SPIRE1: variants seen among roughly 807,000 people sequenced by gnomAD.
SPIRE1 encodes the protein spire type actin nucleation factor 1.
SPIRE1 carries 40 observed loss-of-function variants against 94.1 expected under a neutral mutation model. The observed-to-expected ratio is 0.43, with a 90% CI of 0.33 to 0.55. The LOEUF (loss-of-function observed/expected upper bound fraction) is 0.55. Among genes scored for constraint, SPIRE1 ranks in the 20% least tolerant of loss-of-function variants. The probability of loss-of-function intolerance (pLI) is 0.06; values close to 1 mark genes in which losing one functional copy is unlikely to be tolerated. For missense variants in SPIRE1, 838 were observed against 975.2 expected (o/e 0.86, Z 1.87); for synonymous variants, 376 against 371.7 (o/e 1.01, Z -0.13).
chr18:12,542,777 T>G (rs2035046869), intron 3 of SPIRE1, among the ~76,000 whole-genome samples: 1 of 152,198 alleles, frequency 6.6e-6, no homozygotes, highest in African/African-American at 2.4e-5. Flanking sequence ...CTAAATCATG[T>G]AAGACATTAT....
Position 12,506,577 on chromosome 18 carries a change from T to C in SPIRE1, c.872A>G (p.Glu291Gly). 1 of 1,614,114 alleles carries C rather than the reference T, an allele frequency of 6.2e-7. No homozygotes were observed. The highest frequency in any genetic ancestry group is 8.5e-7 in the Non-Finnish European group (1 of 1,179,988). Residue 291 changes from glutamate (E) to glycine (G), a missense_variant, in exon 6 of 17, where the codon GAG (glutamate) becomes GGG (glycine). Transcript: ENST00000409402. ...AATGGGCAAAGGGTTGTACTGCCGC[T>C]CTTGGACCTTCTTAAGTTTTACCCC... ...RNGVKLKKVQ[E>G]RQYNPLPIEY... is the part of the protein sequence containing the mutation.
chr18:12,488,152 C>T (rs1229471052), intron 8 of SPIRE1, among the ~76,000 whole-genome samples: 1 of 152,242 alleles, frequency 6.6e-6, no homozygotes, highest in Non-Finnish European at 1.5e-5. Flanking sequence ...AGCAATGCCT[C>T]ACTGAATATC....
chr18:12,613,062 A>G (rs2037187327), intron 2 of SPIRE1, among the ~76,000 whole-genome samples: 1 of 152,130 alleles, frequency 6.6e-6, no homozygotes, highest in Non-Finnish European at 1.5e-5. Context: ...CTATATTACA[A>G]ACACTTGAGG....
intron 1 of SPIRE1, among the ~76,000 whole-genome samples, chr18:12,636,047 C>T (rs1276840411): frequency 6.6e-6 from 1 of 152,090 alleles, no homozygotes; most frequent in Non-Finnish European, 1.5e-5. Flanking sequence ...CACCCACCAC[C>T]ATGCCCAGCT....
intron 4 of SPIRE1, among the ~76,000 whole-genome samples, chr18:12,523,039 T>C (rs926961510): frequency 4.6e-5 from 7 of 152,176 alleles, no homozygotes; most frequent in African/African-American, 1.7e-4. Flanking sequence ...GCAAAGCACA[T>C]TGAAAACCTT....
At chr18:12,586,916 TAAAG>T (rs1176969191) in intron 2 of SPIRE1, among the ~76,000 whole-genome samples, 2 of 152,200 alleles carry the variant, frequency 1.3e-5, no homozygotes, top group Non-Finnish European at 2.9e-5. Context: ...TCTAGACACT[TAAAG>T]AAAGCAAGTA....
At chr18:12,615,383 T>C (rs1598534635) in intron 2 of SPIRE1, among the ~76,000 whole-genome samples, 1 of 76,946 alleles carries the variant, frequency 1.3e-5, no homozygotes, top group Non-Finnish European at 2.5e-5. Flanking sequence ...TGCATGTATA[T>C]AAAAAAAATA....
chr18:12,571,634 TA>T (rs1478985612), intron 2 of SPIRE1, among the ~76,000 whole-genome samples: 1 of 152,218 alleles, frequency 6.6e-6, no homozygotes, highest in Non-Finnish European at 1.5e-5. Context: ...AAAAATACTA[TA>T]AAGCTTTAAT....
chr18:12,496,700 T>G (rs2033471421), intron 6 of SPIRE1, among the ~76,000 whole-genome samples: 1 of 152,050 alleles, frequency 6.6e-6, no homozygotes, highest in Admixed American at 6.6e-5. Flanking sequence ...AAACCCTGTC[T>G]CTACTAAAAA....
At chr18:12,508,123 C>T (rs185742498) in intron 5 of SPIRE1, among the ~76,000 whole-genome samples, 3 of 150,252 alleles carry the variant, frequency 2.0e-5, no homozygotes, top group Non-Finnish European at 4.4e-5. Context: ...TCCAGCCTGA[C>T]GACAGAGTGA....
chr18:12,605,065 G>C (rs1470544468), intron 2 of SPIRE1, among the ~76,000 whole-genome samples: 1 of 152,188 alleles, frequency 6.6e-6, no homozygotes, highest in Non-Finnish European at 1.5e-5. Flanking sequence ...AAAGGAGAAT[G>C]GTGGCTGTTG....
At chr18:12,658,225 G>A, upstream of SPIRE1, 3 of 534,758 alleles carry the variant, frequency 5.6e-6, no homozygotes, top group Admixed American at 2.4e-5. Context: ...AGGCAGGAGG[G>A]CCTCGCCTCG....
At position 12,658,082 on chromosome 18, in the gene SPIRE1, C is replaced by G. The variant is rs1422407853; in HGVS notation, c.-216G>C. 2.7e-5 allele frequency: 27 copies of G among 991,662 alleles called. No individual in the cohort carries two copies. Among genetic ancestry groups the G allele is most frequent in the Non-Finnish European group, 3.1e-5 (26 of 835,308 alleles). The allele number at this position is 991,662 out of a possible 1,614,324, so 61.4% of individuals were successfully genotyped here. On this transcript the variant is annotated 5_prime_UTR_variant, in exon 1 of 17. Transcript: ENST00000409402. ...GCTGCAGTCCCGGTCAGACAGCCGC[C>G]GGCCGGTAGCGACGCGATGGCGTCC...
intron 8 of SPIRE1, among the ~76,000 whole-genome samples, chr18:12,489,680 C>A (rs1407271441): frequency 6.6e-6 from 1 of 152,154 alleles, no homozygotes; most frequent in Non-Finnish European, 1.5e-5. Flanking sequence ...CCCAATTTAG[C>A]CATCTGTTAG....
At chr18:12,576,935 T>C (rs1193137592) in intron 2 of SPIRE1, among the ~76,000 whole-genome samples, 1 of 148,732 alleles carries the variant, frequency 6.7e-6, no homozygotes, top group African/African-American at 2.5e-5. Flanking sequence ...TCATCAACAC[T>C]GTTTAATACT....
At chr18:12,526,941 A>T (rs1423618072) in intron 4 of SPIRE1, among the ~76,000 whole-genome samples, 1 of 151,950 alleles carries the variant, frequency 6.6e-6, no homozygotes, top group African/African-American at 2.4e-5. Flanking sequence ...ATCTCTTGAC[A>T]TCGTGATCCA....
chr18:12,558,397 C>A (rs1361342039), intron 2 of SPIRE1, among the ~76,000 whole-genome samples: 1 of 152,198 alleles, frequency 6.6e-6, no homozygotes, highest in African/African-American at 2.4e-5. Flanking sequence ...AAAGGCAGTG[C>A]AAACCCAAAG....
intron 13 of SPIRE1, 46 bp from the exon 14 acceptor site, chr18:12,453,184 A>C: frequency 1.5e-6 from 2 of 1,332,324 alleles, no homozygotes; most frequent in Non-Finnish European, 2.1e-6. Flanking sequence ...GCCAACAGCA[A>C]ATTTCCTAAT....
chr18:12,509,060 GTTA>G (rs1191511167), intron 5 of SPIRE1, among the ~76,000 whole-genome samples: 1 of 152,182 alleles, frequency 6.6e-6, no homozygotes, highest in East Asian at 1.9e-4. Flanking sequence ...TAAAGTCACA[GTTA>G]TTATATAAAA....
Sources: allele counts gnomAD v4.1 joint callset (sites outside exome capture counted in the v4.1 genomes callset), GRCh38; gene constraint gnomAD v4.1.1; transcripts MANE v1.5; gene names NCBI Gene and HGNC (gene_info 2026-07-23, HGNC 2026-07-21).